Variants in BLOC1S3 observed in about 807,000 individuals in gnomAD.
BLOC1S3 encodes biogenesis of lysosome-related organelles complex 1 subunit 3.
Under a neutral mutation model 9.1 loss-of-function variants are expected in BLOC1S3, and 7 were observed. The observed-to-expected ratio is 0.77, with a 90% CI of 0.44 to 1.45. The LOEUF (loss-of-function observed/expected upper bound fraction) is 1.45, where lower values mean the gene tolerates loss of function less well. Among genes scored for constraint, BLOC1S3 ranks in the 40% most tolerant of loss-of-function variants. The pLI is 0.01. For synonymous variants in BLOC1S3, 145 were observed against 158.4 expected (o/e 0.92, Z 0.64); for missense variants, 307 against 315.2 (o/e 0.97, Z 0.20).
intron 2 of BLOC1S3, among the ~76,000 whole-genome samples, chr19:45,190,821 T>TATTTTATGTTA (rs1599751332): frequency 6.8e-6 from 1 of 147,292 alleles, no homozygotes; most frequent in African/African-American, 2.5e-5. Flanking sequence ...TATTTTATTT[T>TATTTTATGTTA]TTGAGAGAGA....
chr19:45,203,671 A>G (rs1332265541), intron 3 of BLOC1S3, among the ~76,000 whole-genome samples: 2 of 152,130 alleles, frequency 1.3e-5, no homozygotes, highest in East Asian at 3.9e-4. Flanking sequence ...CCTCTGTCTA[A>G]TGATCATTTA....
chr19:45,201,814 G>T (rs1388564218), intron 2 of BLOC1S3, among the ~76,000 whole-genome samples: 1 of 152,102 alleles, frequency 6.6e-6, no homozygotes, highest in Non-Finnish European at 1.5e-5. Context: ...AGTCATGGGG[G>T]CAGTTTCCCC....
rs1197837478 is a variant in BLOC1S3 at position 45,181,228 on chromosome 19, A to T, written c.*1323A>T. The T allele has an allele frequency of 6.0e-6, 1 of 167,168 alleles. No homozygotes were observed. The highest frequency in any genetic ancestry group is 1.5e-5 in the Non-Finnish European group (1 of 68,202). 10.4% of individuals were successfully genotyped at this position (167,168 alleles called of 1,614,324 possible). ...TCTCCATCCTACTTACACCTCCCTG[A>T]TCCTGGGGTCTGGGGACTCCCCATG... is the stretch of plus-strand genomic sequence containing the variant. On this transcript the variant is annotated 3_prime_UTR_variant, in exon 2 of 2. Coordinates refer to ENST00000433642, the MANE Select transcript of BLOC1S3 (RefSeq NM_212550.5).
At chr19:45,212,848 C>T (rs1969789872) in intron 3 of BLOC1S3, 1 of 488,790 alleles carries the variant, frequency 2.0e-6, no homozygotes, top group Non-Finnish European at 3.4e-6. Context: ...AATCCTCCGG[C>T]CTCAGCCTCC....
At chr19:45,204,932 C>T (rs951270903) in intron 3 of BLOC1S3, among the ~76,000 whole-genome samples, 2 of 151,926 alleles carry the variant, frequency 1.3e-5, no homozygotes, top group African/African-American at 2.4e-5. Flanking sequence ...CAGGGTTTCT[C>T]CATGTTTGCT....
rs535039743 is a variant in BLOC1S3, at chr19:45,204,342, A to G, written n.282+1835A>G. On this transcript the variant is annotated intron_variant and non_coding_transcript_variant, in intron 3 of 3. Coordinates refer to the BLOC1S3 transcript ENST00000591569. ...GTAGCTGGGATGACAGGCACCCACC[A>G]CCATGCCCCAGCTAATTTTTTTGTA... Among the ~76,000 whole-genome samples, 425 of 151,846 alleles carry G rather than the reference A, an allele frequency of 2.8e-3. 3 individuals carry two copies. The highest frequency in any genetic ancestry group is 4.7e-3 in the Non-Finnish European group (321 of 67,938).
rs1003084258 is a variant in BLOC1S3, at chr19:45,180,219, C to T, written c.*314C>T. The T allele has an allele frequency of 1.7e-5, 5 of 298,546 alleles. No homozygotes were observed. The highest frequency in any genetic ancestry group is 3.2e-5 in the Non-Finnish European group (5 of 157,066). The allele number at this position is 298,546 out of a possible 1,614,324, so 18.5% of individuals were successfully genotyped here. On this transcript the variant is annotated 3_prime_UTR_variant, in exon 2 of 2. Coordinates refer to ENST00000433642, the MANE Select transcript of BLOC1S3 (RefSeq NM_212550.5). ...ATAGTTGCTCCTTAATCTGTTTCCA[C>T]CCTGGGGGCTCACCAATTTTTTTTT...
At chr19:45,195,031 A>G (rs1969636641) in intron 2 of BLOC1S3, among the ~76,000 whole-genome samples, 1 of 151,276 alleles carries the variant, frequency 6.6e-6, no homozygotes, top group Non-Finnish European at 1.5e-5. Flanking sequence ...TCCCAGTTCA[A>G]GCGAGTCTCC....
At chr19:45,191,891 G>A (rs938996154) in intron 2 of BLOC1S3, among the ~76,000 whole-genome samples, 8 of 152,192 alleles carry the variant, frequency 5.3e-5, no homozygotes, top group Admixed American at 2.0e-4. Flanking sequence ...AGCCCAACAC[G>A]GGGTCTCCCC....
downstream of BLOC1S3, among the ~76,000 whole-genome samples, chr19:45,182,549 A>T (rs892780595): frequency 6.6e-6 from 1 of 152,172 alleles, no homozygotes; most frequent in South Asian, 2.1e-4. Context: ...CTGTAATCCC[A>T]GCTACTCGGG....
intron 2 of BLOC1S3, among the ~76,000 whole-genome samples, chr19:45,196,648 T>A (rs1251288020): frequency 1.3e-5 from 2 of 152,014 alleles, no homozygotes; most frequent in African/African-American, 4.8e-5. Flanking sequence ...ATCCTAGCAC[T>A]TTGGGAGGCC....
chr19:45,210,315 T>G (rs1354459982), intron 3 of BLOC1S3, among the ~76,000 whole-genome samples: 2 of 137,798 alleles, frequency 1.5e-5, no homozygotes, highest in African/African-American at 5.6e-5. Flanking sequence ...TTTTTTTTTT[T>G]TTGAGATGGA....
rs1159106294 is a variant in BLOC1S3 at position 45,179,616 on chromosome 19, C to A, written c.320C>A (p.Ser107Ter). 2.7e-6 allele frequency: 4 copies of A among 1,473,192 alleles called. No homozygotes were observed. Among genetic ancestry groups the A allele is most frequent in the Non-Finnish European group, 3.6e-6 (4 of 1,118,850 alleles). 91.3% of individuals were successfully genotyped at this position (1,473,192 alleles called of 1,614,324 possible). Residue 107 changes from serine (S) to a stop codon, truncating the protein, a stop_gained, in exon 2 of 2, where the codon TCG (serine) becomes TAG (stop). Transcript: ENST00000433642. LOFTEE classifies it high-confidence loss of function. The surrounding 1 kb of genome is among the most constrained non-coding windows in gnomAD (Gnocchi z 4.6). Reference protein sequence around the residue: ...EEAPAPAPARSLLQLRLAESQ... With the variant: ...EEAPAPAPAR ...GCCCCGGCGCCCGCCCCCGCGCGCT[C>A]GCTCCTGCAACTTCGGCTGGCGGAG...
chr19:45,213,312 G>A, intron 3 of BLOC1S3: 1 of 1,613,826 alleles, frequency 6.2e-7, no homozygotes, highest in Non-Finnish European at 8.5e-7. Flanking sequence ...GGGCGGCTGT[G>A]TTGCGCAGGC....
intron 2 of BLOC1S3, among the ~76,000 whole-genome samples, chr19:45,195,112 T>C (rs1234062524): frequency 6.6e-6 from 1 of 152,042 alleles, no homozygotes; most frequent in Non-Finnish European, 1.5e-5. Flanking sequence ...TTTCTGCATG[T>C]TGGTCAGGCT....
At chr19:45,207,517 C>T (rs1969735950) in intron 3 of BLOC1S3, among the ~76,000 whole-genome samples, 1 of 146,346 alleles carries the variant, frequency 6.8e-6, no homozygotes, top group African/African-American at 2.6e-5. Flanking sequence ...CTACTGCACT[C>T]CACACTCCAG....
chr19:45,179,724 C>G lies in BLOC1S3; in HGVS notation c.428C>G (p.Ala143Gly). ...RRAGRDVAAL[A>G]SRLAAAQAAG... ...GCAGGCCGCGACGTGGCCGCCCTGG[C>G]TAGTAGGCTGGCGGCAGCCCAGGCG... The change falls in exon 2 of 2, where the codon GCT becomes GGT. Residue 143 changes from alanine to glycine, a missense_variant. Physicochemically the swap from Ala to Gly is moderately conservative, Grantham distance 60. Coordinates refer to ENST00000433642, the MANE Select transcript of BLOC1S3 (RefSeq NM_212550.5). This position sits in a 1 kb window ranked among gnomAD's most constrained non-coding sequence, Gnocchi z 4.6. 1 of 1,463,748 alleles carries G rather than the reference C, an allele frequency of 6.8e-7. No individual in the cohort carries two copies. The highest frequency in any genetic ancestry group is 9.0e-7 in the Non-Finnish European group (1 of 1,116,274). 90.7% of individuals were successfully genotyped at this position (1,463,748 alleles called of 1,614,324 possible). A position where few individuals can be genotyped will look rare whatever the true frequency, so the allele number is the denominator to read the frequency against.
rs764955305 is a variant in BLOC1S3 at position 45,179,913 on chromosome 19, T to C, written c.*8T>C. 1 of 1,606,324 alleles carries C rather than the reference T, an allele frequency of 6.2e-7. No individual in the cohort carries two copies. The highest frequency in any genetic ancestry group is 8.5e-7 in the Non-Finnish European group (1 of 1,176,762). ...CCGGGGCCGCGGGCCTAGCCATGAT[T>C]CTACTTCCCAACCTGACTGCAATTT... On this transcript the variant is annotated 3_prime_UTR_variant, in exon 2 of 2. Transcript: ENST00000433642. This position sits in a 1 kb window ranked among gnomAD's most constrained non-coding sequence, Gnocchi z 4.6.
chr19:45,190,588 A>G (rs1969597026), intron 2 of BLOC1S3, among the ~76,000 whole-genome samples: 2 of 150,596 alleles, frequency 1.3e-5, no homozygotes, highest in Non-Finnish European at 3.0e-5. Context: ...TTTTTGTAGA[A>G]ACGGGGTTTT....
Sources: allele counts gnomAD v4.1 joint callset (sites outside exome capture counted in the v4.1 genomes callset), GRCh38; gene constraint gnomAD v4.1.1; non-coding constraint Gnocchi (gnomAD v3.1); transcripts MANE v1.5; gene names NCBI Gene and HGNC (gene_info 2026-07-23, HGNC 2026-07-21).